MACROD2: variants seen among roughly 807,000 people sequenced by gnomAD.
MACROD2 encodes the protein ADP-ribose glycohydrolase MACROD2.
Under a neutral mutation model 70.4 loss-of-function variants are expected in MACROD2, and 36 were observed. The observed-to-expected ratio is 0.51, with a 90% CI of 0.39 to 0.68. The LOEUF (loss-of-function observed/expected upper bound fraction) is 0.68, where lower values mean the gene tolerates loss of function less well. Among genes scored for constraint, MACROD2 ranks in the 30% least tolerant of loss-of-function variants. The pLI, the probability that MACROD2 is intolerant of heterozygous loss-of-function variation, is 0.00. For synonymous variants in MACROD2, 172 were observed against 178.8 expected (o/e 0.96, Z 0.30); for missense variants, 496 against 538.4 (o/e 0.92, Z 0.78).
intron 5 of MACROD2, among the ~76,000 whole-genome samples, chr20:15,150,315 T>C (rs139978283): frequency 0.024 from 3,569 of 151,866 alleles, 166 homozygotes; most frequent in African/African-American, 0.082. Context: ...ATTTTTAAGA[T>C]CAAGAACAGA....
chr20:14,362,524 C>A (rs1285648563), intron 3 of MACROD2, among the ~76,000 whole-genome samples: 1 of 152,164 alleles, frequency 6.6e-6, no homozygotes, highest in Non-Finnish European at 1.5e-5. Flanking sequence ...ATGGAGACGG[C>A]TTTTAAATGA....
intron 8 of MACROD2, among the ~76,000 whole-genome samples, chr20:15,711,869 G>A (rs182766282): frequency 6.6e-6 from 1 of 152,240 alleles, no homozygotes; most frequent in Admixed American, 6.5e-5. Flanking sequence ...CGACAGGGGT[G>A]GGCACCTGAC....
At chr20:15,612,066 A>G (rs2048977617) in intron 8 of MACROD2, among the ~76,000 whole-genome samples, 1 of 151,604 alleles carries the variant, frequency 6.6e-6, no homozygotes, top group Non-Finnish European at 1.5e-5. Context: ...CGATTTTCAT[A>G]CAGATTTTGA....
At chr20:15,039,114 C>G (rs1450269231) in intron 5 of MACROD2, among the ~76,000 whole-genome samples, 1 of 151,944 alleles carries the variant, frequency 6.6e-6, no homozygotes, top group African/African-American at 2.4e-5. Context: ...AGCTTTCAGA[C>G]ACAAAGAACC....
chr20:15,653,792 A>T (rs978924782), intron 8 of MACROD2, among the ~76,000 whole-genome samples: 2 of 152,188 alleles, frequency 1.3e-5, no homozygotes, highest in African/African-American at 4.8e-5. Context: ...TCTGGGACTG[A>T]CTATAAATCC....
chr20:15,176,136 C>T (rs1464319056), intron 5 of MACROD2, among the ~76,000 whole-genome samples: 1 of 152,218 alleles, frequency 6.6e-6, no homozygotes, highest in Admixed American at 6.5e-5. Flanking sequence ...TGCCTTGGCC[C>T]CCTCTAGACT....
chr20:15,680,846 A>C, intron 8 of MACROD2, among the ~76,000 whole-genome samples: 1 of 152,232 alleles, frequency 6.6e-6, no homozygotes, highest in East Asian at 1.9e-4. Flanking sequence ...AGCAGTAAAA[A>C]GGCTGAAAAT....
chr20:14,298,549 CA>C (rs1405296257), intron 3 of MACROD2, among the ~76,000 whole-genome samples: 10 of 138,128 alleles, frequency 7.2e-5, no homozygotes, highest in Non-Finnish European at 1.1e-4. Context: ...GCCTGGGTGA[CA>C]AGAGCAAAAC....
At chr20:14,939,781 A>T (rs1251830886) in intron 5 of MACROD2, among the ~76,000 whole-genome samples, 1 of 151,568 alleles carries the variant, frequency 6.6e-6, no homozygotes, top group African/African-American at 2.4e-5. Context: ...AATTTCTTTC[A>T]TCAGTGTTTT....
rs78022783 is a variant in MACROD2 at position 14,955,438 on chromosome 20, A to T, written c.418+270479A>T. Among the ~76,000 whole-genome samples the T allele has an allele frequency of 2.6e-5, 4 of 150,978 alleles. No homozygotes were observed. The South Asian group carries it at 8.3e-4, about 31-fold the overall frequency. ...ATGTTTAATGTTCCATGGTCTACAC[A>T]CCTCATTGCCCTCCACACAAGTTAG... is the stretch of plus-strand genomic sequence containing the variant. On this transcript the variant is annotated intron_variant, in intron 5 of 17. Transcript: ENST00000684519.
chr20:15,645,460 TGGA>T (rs750376252), intron 8 of MACROD2, among the ~76,000 whole-genome samples: 2 of 152,302 alleles, frequency 1.3e-5, no homozygotes, highest in East Asian at 3.9e-4. Flanking sequence ...AAGAAATGAA[TGGA>T]GGAGTTTTCT....
intron 6 of MACROD2, among the ~76,000 whole-genome samples, chr20:15,294,120 TAAAAAAAA>T (rs10644931): frequency 1.7e-5 from 2 of 118,352 alleles, no homozygotes; most frequent in Admixed American, 9.0e-5. Flanking sequence ...AAACTCTGTC[TAAAAAAAA>T]AAAAAAAAAA....
At chr20:15,160,987 G>A (rs556663832) in intron 5 of MACROD2, among the ~76,000 whole-genome samples, 14 of 150,172 alleles carry the variant, frequency 9.3e-5, no homozygotes, top group Non-Finnish European at 1.8e-4. Flanking sequence ...ACACACATAT[G>A]CATGTGCATG....
chr20:15,191,665 A>G (rs56090479), intron 5 of MACROD2, among the ~76,000 whole-genome samples: 8,681 of 152,318 alleles, frequency 0.057, 314 homozygotes, highest in South Asian at 0.14. Flanking sequence ...CCACCTGCCT[A>G]AAGAAAAAAC....
At chr20:15,696,907 T>C (rs912757564) in intron 8 of MACROD2, among the ~76,000 whole-genome samples, 2 of 152,060 alleles carry the variant, frequency 1.3e-5, no homozygotes, top group African/African-American at 4.8e-5. Flanking sequence ...ATATCTCTTG[T>C]TTCATTTGTT....
At chr20:15,029,478 C>T (rs1030814483) in intron 5 of MACROD2, among the ~76,000 whole-genome samples, 1 of 152,140 alleles carries the variant, frequency 6.6e-6, no homozygotes, top group Non-Finnish European at 1.5e-5. Flanking sequence ...TTCAGAAGGA[C>T]TTAGAATTTT....
intron 5 of MACROD2, among the ~76,000 whole-genome samples, chr20:15,166,705 GTATT>G (rs1022777452): frequency 4.6e-5 from 7 of 151,560 alleles, no homozygotes; most frequent in African/African-American, 1.2e-4. Context: ...TAGATTAAGG[GTATT>G]TATTTAGTCT....
At chr20:14,319,060 G>A (rs1219575581) in intron 3 of MACROD2, among the ~76,000 whole-genome samples, 1 of 152,182 alleles carries the variant, frequency 6.6e-6, no homozygotes, top group African/African-American at 2.4e-5. Flanking sequence ...CATGAAAGAT[G>A]TGACTATGCT....
chr20:14,207,020 A>G (rs111507086), intron 3 of MACROD2, among the ~76,000 whole-genome samples: 34 of 152,158 alleles, frequency 2.2e-4, no homozygotes, highest in African/African-American at 7.2e-4. Context: ...ATGCTGAGTT[A>G]TTTTGTACTT....
Sources: allele counts gnomAD v4.1 joint callset (sites outside exome capture counted in the v4.1 genomes callset), GRCh38; gene constraint gnomAD v4.1.1; transcripts MANE v1.5; gene names NCBI Gene and HGNC (gene_info 2026-07-23, HGNC 2026-07-21).